The following TRPM2 variants were observed in gnomAD, a reference collection of about 807,000 sequenced individuals.
TRPM2 encodes transient receptor potential cation channel subfamily M member 2.
In TRPM2, 161 loss-of-function variants were observed where a neutral mutation model predicts 174.0. The ratio of observed to expected loss-of-function variants is 0.93; its 90% confidence interval spans 0.81 to 1.05. The LOEUF is 1.05. Ranked by LOEUF, TRPM2 falls within the 50% of genes least tolerant of loss-of-function variation. The probability of loss-of-function intolerance (pLI) is 0.00; values close to 1 mark genes in which losing one functional copy is unlikely to be tolerated. For synonymous variants in TRPM2, 954 were observed against 861.3 expected, an observed-to-expected ratio of 1.11 and a Z score of -1.88; for missense variants, 2,057 against 2,038.0, an observed-to-expected ratio of 1.01 and a Z score of -0.18.
At chr21:44,401,200 G>A (rs2049605514) in intron 15 of TRPM2, among the ~76,000 whole-genome samples, 1 of 152,192 alleles carries the variant, frequency 6.6e-6, no homozygotes, top group Non-Finnish European at 1.5e-5. Context: ...GCGGCCCGGG[G>A]ATAGGGACCT....
chr21:44,429,694 A>T (rs897126933), intron 27 of TRPM2, among the ~76,000 whole-genome samples: 39 of 152,286 alleles, frequency 2.6e-4, no homozygotes, highest in African/African-American at 8.7e-4. Flanking sequence ...CTCGTTAATT[A>T]TATAAATGTG....
intron 25 of TRPM2, 28 bp from the exon 26 acceptor site, chr21:44,426,631 CT>C: frequency 1.2e-6 from 2 of 1,613,136 alleles, no homozygotes; most frequent in Non-Finnish European, 1.7e-6. Context: ...GGGTAAAAAT[CT>C]GAGGGAAAAC....
In TRPM2 at chr21:44,438,085, GC is replaced by G. The variant is rs1039301272; in HGVS notation, c.4167+920del. Among the ~76,000 whole-genome samples the G allele has an allele frequency of 3.3e-5, 5 of 152,256 alleles. No homozygotes were observed. The highest frequency in any genetic ancestry group is 3.3e-4 in the Admixed American group (5 of 15,290). ...TGTGCAGGGCAGCAGTGCCACAAGG[GC>G]CTCTGGGCAGGAACGGGGACTCCGG... is the stretch of plus-strand genomic sequence containing the variant. On this transcript the variant is annotated intron_variant, in intron 29 of 31. Coordinates refer to ENST00000397928, the MANE Select transcript of TRPM2 (RefSeq NM_003307.4). This position sits in a 1 kb window ranked among gnomAD's most constrained non-coding sequence, Gnocchi z 5.9.
Position 44,434,642 on chromosome 21 carries a change from G to A in TRPM2, c.3975-489G>A, listed in dbSNP as rs150173435. Among the ~76,000 whole-genome samples, 937 of 152,212 alleles carry A rather than the reference G, an allele frequency of 6.2e-3. 5 individuals are homozygous for A. Among genetic ancestry groups the A allele is most frequent in the Non-Finnish European group, 9.8e-3 (668 of 67,996 alleles). On this transcript the variant is annotated intron_variant, in intron 27 of 31. Coordinates refer to ENST00000397928, the MANE Select transcript of TRPM2 (RefSeq NM_003307.4). ...GAAGCGTCTGTGGCTCCTGCTGCCCGTGGTTAGCACACTCTGCTGGGGGTC... is the reference window on the plus strand; with the variant it reads ...GAAGCGTCTGTGGCTCCTGCTGCCCATGGTTAGCACACTCTGCTGGGGGTC...
At position 44,355,147 on chromosome 21, in the gene TRPM2, C is replaced by T. The variant is rs45466600; in HGVS notation, c.254+411C>T. ...AGAGTCCATGGCCAGAAGACTGCCC[C>T]CCTGCACAGCTTGCCAAAGCCAGAG... On this transcript the variant is annotated intron_variant, in intron 2 of 31. Transcript: ENST00000397928. Among the ~76,000 whole-genome samples the T allele has an allele frequency of 6.5e-3, 997 of 152,288 alleles. 7 individuals are homozygous for T. The highest frequency in any genetic ancestry group is 0.022 in the African/African-American group (932 of 41,558).
chr21:44,351,188 C>T (rs2047921222), upstream of TRPM2, among the ~76,000 whole-genome samples: 1 of 152,366 alleles, frequency 6.6e-6, no homozygotes, highest in Admixed American at 6.5e-5. Context: ...AGGATCCTCT[C>T]GAGTCGCCTG....
intron 22 of TRPM2, among the ~76,000 whole-genome samples, chr21:44,419,941 G>A (rs928914920): frequency 3.4e-5 from 5 of 148,844 alleles, no homozygotes; most frequent in Non-Finnish European, 7.5e-5. Flanking sequence ...TGGTGGTGCT[G>A]GTGCTGGTGG....
At chr21:44,378,482 C>T (rs550498430) in intron 7 of TRPM2, among the ~76,000 whole-genome samples, 4 of 152,172 alleles carry the variant, frequency 2.6e-5, no homozygotes, top group Non-Finnish European at 2.9e-5. Flanking sequence ...ACTCCCTATG[C>T]GTGCCGAGTA....
Position 44,399,508 on chromosome 21 carries a change from T to C in TRPM2, c.2208+67T>C. The C allele has an allele frequency of 6.5e-7, 1 of 1,546,254 alleles. No individual in the cohort carries two copies. Among genetic ancestry groups the C allele is most frequent in the East Asian group, 2.3e-5 (1 of 43,738 alleles). On this transcript the variant is annotated intron_variant, in intron 14 of 31. Transcript: ENST00000397928. The surrounding 1 kb of genome is among the most constrained non-coding windows in gnomAD (Gnocchi z 4.6). ...TGCCTGCAGGGCGGACACAGCCTCC[T>C]GTTCGTGCAGTTGGCACGCACACTC...
At chr21:44,353,394 T>A (rs1012081262), upstream of TRPM2, 1 of 246,044 alleles carries the variant, frequency 4.1e-6, no homozygotes, top group South Asian at 8.9e-5. Flanking sequence ...CCTGAGGTTG[T>A]TACCATTATG....
intron 9 of TRPM2, among the ~76,000 whole-genome samples, chr21:44,383,636 C>T (rs1376385500): frequency 1.3e-5 from 2 of 152,170 alleles, no homozygotes; most frequent in African/African-American, 4.8e-5. Context: ...TAATTTATCT[C>T]TCAATAGATT....
intron 27 of TRPM2, among the ~76,000 whole-genome samples, chr21:44,434,595 G>T (rs183521879): frequency 4.6e-5 from 7 of 152,272 alleles, no homozygotes; most frequent in Admixed American, 3.9e-4. Flanking sequence ...GTGGTGTCAG[G>T]GAGACCAGCC....
rs753183141 is a variant in TRPM2 at position 44,413,965 on chromosome 21, G to C, written c.3037G>C (p.Ala1013Pro). The change falls in exon 20 of 32, where the codon GCG (alanine) becomes CCG (proline). Residue 1013 changes from alanine to proline, a missense_variant. Transcript: ENST00000397928. ...PYKPKCPESD[A>P]TQQRPAFPEW... ...CAAGCCTAAGTGCCCCGAGAGCGAC[G>C]CGACGCAGCAGAGGCCGGCCTTCCC... The C allele has an allele frequency of 1.2e-6, 2 of 1,613,810 alleles. No individual in the cohort carries two copies. The highest frequency in any genetic ancestry group is 1.7e-6 in the Non-Finnish European group (2 of 1,180,026).
intron 5 of TRPM2, among the ~76,000 whole-genome samples, chr21:44,373,972 C>G (rs1485062066): frequency 1.3e-5 from 2 of 152,022 alleles, no homozygotes; most frequent in Non-Finnish European, 2.9e-5. Flanking sequence ...CATTTTTCTG[C>G]TAAAATTCTG....
chr21:44,369,195 G>C lies in TRPM2; in HGVS notation c.623G>C (p.Gly208Ala), dbSNP rs202197856. The change falls in exon 5 of 32, where the codon GGG becomes GCG. Residue 208 changes from glycine (G) to alanine (A), a missense_variant. Physicochemically the swap from Gly to Ala is moderately conservative, Grantham distance 60. Coordinates refer to ENST00000397928, the MANE Select transcript of TRPM2 (RefSeq NM_003307.4). Reference sequence around the variant, plus strand: ...TCCCCAGGGGCCTGGATCATCACAGGGGGGTCCCACACCGGCGTCATGAAG... The same window carrying C: ...TCCCCAGGGGCCTGGATCATCACAGCGGGGTCCCACACCGGCGTCATGAAG... ...AQTTGAWIIT[G>A]GSHTGVMKQV... 60 of 1,611,068 alleles carry C rather than the reference G, an allele frequency of 3.7e-5. No individual in the cohort carries two copies. Among genetic ancestry groups the C allele is most frequent in the Admixed American group, 1.5e-4 (9 of 59,710 alleles).
At position 44,382,719 on chromosome 21, in the gene TRPM2, T is replaced by A. The variant is rs1442398433; in HGVS notation, c.1217T>A (p.Ile406Asn). The A allele has an allele frequency of 1.2e-6, 2 of 1,613,768 alleles. No homozygotes were observed. The highest frequency in any genetic ancestry group is 3.3e-5 in the Admixed American group (2 of 59,970). ...TCACTTAGAAAATGCTTGTTGCAGA[T>A]CCAAGATATCGTCCGGAGGCGGCAG... Reference protein sequence around the residue: ...ESRIVEWTKKIQDIVRRRQLL... With the variant: ...ESRIVEWTKKNQDIVRRRQLL... Residue 406 changes from isoleucine to asparagine, a missense_variant and splice_region_variant, in exon 9 of 32, where the codon ATC becomes AAC. Transcript: ENST00000397928.
chr21:44,427,176 C>T, intron 27 of TRPM2, 65 bp downstream of exon 27: 1 of 1,354,794 alleles, frequency 7.4e-7, no homozygotes. Flanking sequence ...GGCAGGTTTC[C>T]TCTCTGGGCA....
chr21:44,401,595 G>A (rs1308529779), intron 15 of TRPM2, 86 bp from the exon 16 acceptor site: 12 of 1,394,116 alleles, frequency 8.6e-6, no homozygotes, highest in East Asian at 2.3e-5. Flanking sequence ...TGAGGGGCAC[G>A]GGGGATCACG....
Position 44,359,797 on chromosome 21 carries a change from G to T in TRPM2, c.255-4317G>T, listed in dbSNP as rs536650307. ...GAGTCTTGCTCTGTCACCCAGGCTG[G>T]AGTGCAATGGCCTGATCTTGGCTCA... is the stretch of plus-strand genomic sequence containing the variant. On this transcript the variant is annotated intron_variant, in intron 2 of 31. Transcript: ENST00000397928. 1.1e-3 allele frequency among the ~76,000 whole-genome samples: 163 copies of T among 151,074 alleles called. 1 individual carries two copies. Among genetic ancestry groups the T allele is most frequent in the African/African-American group, 3.9e-3 (159 of 41,072 alleles).
Sources: allele counts gnomAD v4.1 joint callset (sites outside exome capture counted in the v4.1 genomes callset), GRCh38; gene constraint gnomAD v4.1.1; non-coding constraint Gnocchi (gnomAD v3.1); transcripts MANE v1.5; gene names NCBI Gene and HGNC (gene_info 2026-07-23, HGNC 2026-07-21).